Variants in RAC3 observed in about 807,000 individuals in gnomAD.
RAC3 encodes Rac family small GTPase 3.
In RAC3, 9 loss-of-function variants were observed where a neutral mutation model predicts 19.0. That is an observed-to-expected ratio of 0.47 (90% CI 0.29 to 0.83). RAC3 has a LOEUF of 0.83. Ranked by LOEUF, RAC3 falls within the 40% of genes least tolerant of loss-of-function variation. RAC3 has a pLI of 0.09. For synonymous variants in RAC3, 146 were observed against 111.8 expected (o/e 1.31, Z -1.93); for missense variants, 203 against 260.8 (o/e 0.78, Z 1.53).
At position 82,033,103 on chromosome 17, in the gene RAC3, T is replaced by C; in HGVS notation, c.288+94T>C. On this transcript the variant is annotated intron_variant, in intron 4 of 5. Transcript: ENST00000306897. The surrounding 1 kb of genome is among the most constrained non-coding windows in gnomAD (Gnocchi z 6.2). ...TTAGAGGCAATTGCGATACGGGTTC[T>C]GCCTGGGGTAGGCACACGGAGTGGG... is the stretch of plus-strand genomic sequence containing the variant. 2 of 1,361,902 alleles carry C rather than the reference T, an allele frequency of 1.5e-6. No individual in the cohort carries two copies. Among genetic ancestry groups the C allele is most frequent in the Non-Finnish European group, 2.1e-6 (2 of 965,990 alleles). The allele number at this position is 1,361,902 out of a possible 1,614,324, so 84.4% of individuals were successfully genotyped here.
Position 82,032,439 on chromosome 17 carries a change from G to A in RAC3, c.88G>A (p.Gly30Arg), listed in dbSNP as rs753992755. 5 of 1,612,916 alleles carry A rather than the reference G, an allele frequency of 3.1e-6. No homozygotes were observed. The highest frequency in any genetic ancestry group is 4.2e-6 in the Non-Finnish European group (5 of 1,179,970). Residue 30 changes from glycine to arginine, a missense_variant, in exon 2 of 6, where the codon GGA becomes AGA. Coordinates refer to ENST00000306897, the MANE Select transcript of RAC3 (RefSeq NM_005052.3). ...LISYTTNAFP[G>R]EYIPTVFDNY... ...CAGCTACACGACCAACGCCTTCCCC[G>A]GAGAGTACATCCCCACCGTGTGAGT...
Position 82,032,699 on chromosome 17 carries a change from A to C in RAC3, c.108-12A>C, listed in dbSNP as rs1598458924. 10 of 1,611,340 alleles carry C rather than the reference A, an allele frequency of 6.2e-6. No homozygotes were observed. The East Asian group carries it at 2.2e-4, about 36-fold the overall frequency. On this transcript the variant is annotated splice_polypyrimidine_tract_variant and intron_variant, in intron 2 of 5. Transcript: ENST00000306897. The stretch of plus-strand genomic sequence containing the variant: ...CCTCCCAAGCCCTGACCCTGCCCTC[A>C]CTGCTCTGCAGTTTTGACAACTACT...
In RAC3 at chr17:82,032,422, C is replaced by T; in HGVS notation, c.71C>T (p.Thr24Met). The T allele has an allele frequency of 6.2e-7, 1 of 1,613,020 alleles. No individual in the cohort carries two copies. Among genetic ancestry groups the T allele is most frequent in the Non-Finnish European group, 8.5e-7 (1 of 1,179,964 alleles). ...VGKTCLLISY[T>M]TNAFPGEYIP... is the part of the protein sequence containing the mutation. ...AAGACATGCTTGCTGATCAGCTACA[C>T]GACCAACGCCTTCCCCGGAGAGTAC... The change falls in exon 2 of 6, where the codon ACG becomes ATG. Residue 24 changes from threonine to methionine, a missense_variant. Physicochemically the swap from Thr to Met is moderately conservative, Grantham distance 81 (BLOSUM62 -1). Around this residue, in one of 3 missense-constraint regions of RAC3, gnomAD observed 49 missense variants for 67.4 expected, o/e 0.73. Coordinates refer to ENST00000306897, the MANE Select transcript of RAC3 (RefSeq NM_005052.3).
In RAC3 at chr17:82,031,846, C is replaced by T. The variant is rs1303304425; in HGVS notation, c.35+50C>T. On this transcript the variant is annotated intron_variant, in intron 1 of 5. Coordinates refer to ENST00000306897, the MANE Select transcript of RAC3 (RefSeq NM_005052.3). ...TTGGCTGGGCTGGGCGGGAGGGGGGCTCGGGGGCTCGGGGCGCAGCCGGGG... is the reference window on the plus strand; with the variant it reads ...TTGGCTGGGCTGGGCGGGAGGGGGGTTCGGGGGCTCGGGGCGCAGCCGGGG... 27 of 511,652 alleles carry T rather than the reference C, an allele frequency of 5.3e-5. No individual in the cohort carries two copies. In the South Asian group the frequency reaches 2.0e-3, roughly 38 times the overall value. The allele number at this position is 511,652 out of a possible 1,614,324, so 31.7% of individuals were successfully genotyped here.
At position 82,032,967 on chromosome 17, in the gene RAC3, C is replaced by T. The variant is rs1315341263; in HGVS notation, c.246C>T (p.Phe82=). ...YPQTDVFLIC[F]SLVSPASFEN... is the part of the protein sequence containing the mutation. ...CCAAGGACGTCTTTCTGATCTGCTT[C>T]TCTCTGGTGAGCCCGGCCTCCTTCG... Residue 82 remains phenylalanine (F), a synonymous_variant, in exon 4 of 6, where the codon TTC becomes TTT. Transcript: ENST00000306897. The T allele has an allele frequency of 1.1e-5, 17 of 1,613,634 alleles. No individual in the cohort carries two copies. The highest frequency in any genetic ancestry group is 1.4e-5 in the Non-Finnish European group (16 of 1,180,008).
rs929625289 is a variant in RAC3 at position 82,034,153 on chromosome 17, C to G, written c.*324C>G. The G allele has an allele frequency of 4.0e-6, 1 of 251,486 alleles. No homozygotes were observed. Among genetic ancestry groups the G allele is most frequent in the African/African-American group, 2.2e-5 (1 of 44,548 alleles). The allele number at this position is 251,486 out of a possible 1,614,324, so 15.6% of individuals were successfully genotyped here. Reference sequence around the variant, plus strand: ...GGGGGGAGTTCTGTTCCTTGTGCCCCGAGGTGGGGCAGCCCCTTCTCATTT... The same window carrying G: ...GGGGGGAGTTCTGTTCCTTGTGCCCGGAGGTGGGGCAGCCCCTTCTCATTT... On this transcript the variant is annotated 3_prime_UTR_variant, in exon 6 of 6. Coordinates refer to ENST00000306897, the MANE Select transcript of RAC3 (RefSeq NM_005052.3).
chr17:82,033,702 C>T lies in RAC3; in HGVS notation c.452C>T (p.Ser151Phe), dbSNP rs371054088. 1.9e-6 allele frequency: 3 copies of T among 1,612,324 alleles called. No homozygotes were observed. Among genetic ancestry groups the T allele is most frequent in the African/African-American group, 2.7e-5 (2 of 74,880 alleles). The change falls in exon 6 of 6, where the codon TCT becomes TTT. Residue 151 changes from serine to phenylalanine, a missense_variant. Physicochemically the swap from Ser to Phe is radical, Grantham distance 155. Around this residue, in one of 3 missense-constraint regions of RAC3, gnomAD observed 142 missense variants for 158.2 expected, o/e 0.90. Coordinates refer to ENST00000306897, the MANE Select transcript of RAC3 (RefSeq NM_005052.3). This position sits in a 1 kb window ranked among gnomAD's most constrained non-coding sequence, Gnocchi z 6.2. ...QGLAMAREIG[S>F]VKYLECSALT... ...CTCCCCTCCTCACTGCCGCTAGGCT[C>T]TGTGAAATACCTGGAGTGCTCAGCC...
In RAC3 at chr17:82,034,148, T is replaced by C. The variant is rs1342239079; in HGVS notation, c.*319T>C. 1 of 253,994 alleles carries C rather than the reference T, an allele frequency of 3.9e-6. No individual in the cohort carries two copies. The highest frequency in any genetic ancestry group is 2.2e-5 in the African/African-American group (1 of 44,650). 15.7% of individuals were successfully genotyped at this position (253,994 alleles called of 1,614,324 possible). ...GGGTGGGGGGGAGTTCTGTTCCTTG[T>C]GCCCCGAGGTGGGGCAGCCCCTTCT... On this transcript the variant is annotated 3_prime_UTR_variant, in exon 6 of 6. Transcript: ENST00000306897.
In RAC3 at chr17:82,031,773, C is replaced by A; in HGVS notation, c.12C>A (p.Ile4=). Residue 4 remains isoleucine, a synonymous_variant, in exon 1 of 6, where the codon ATC becomes ATA. Transcript: ENST00000306897. The part of the protein sequence containing the change: MQA[I]KCVVVGDGAV... ...CCCGGCCCGCGCCCATGCAGGCCAT[C>A]AAGTGCGTGGTGGTCGGCGACGGGT... 1.0e-6 allele frequency: 1 copy of A among 995,546 alleles called. No homozygotes were observed. The highest frequency in any genetic ancestry group is 4.3e-5 in the South Asian group (1 of 23,290). 61.7% of individuals were successfully genotyped at this position (995,546 alleles called of 1,614,324 possible).
At chr17:82,032,281 C>T (rs2043438000) in intron 1 of RAC3, 106 bp from the exon 2 acceptor site, 3 of 1,097,492 alleles carry the variant, frequency 2.7e-6, no homozygotes, top group East Asian at 2.4e-5. Context: ...CCCTCTCGAC[C>T]CCAGACGCCC....
At position 82,034,153 on chromosome 17, in the gene RAC3, C is replaced by T. The variant is rs929625289; in HGVS notation, c.*324C>T. ...GGGGGGAGTTCTGTTCCTTGTGCCC[C>T]GAGGTGGGGCAGCCCCTTCTCATTT... On this transcript the variant is annotated 3_prime_UTR_variant, in exon 6 of 6. Transcript: ENST00000306897. 29 of 251,486 alleles carry T rather than the reference C, an allele frequency of 1.2e-4. No homozygotes were observed. Among genetic ancestry groups the T allele is most frequent in the African/African-American group, 1.8e-4 (8 of 44,548 alleles). 15.6% of individuals were successfully genotyped at this position (251,486 alleles called of 1,614,324 possible).
In RAC3 at chr17:82,033,911, C is replaced by T. The variant is rs2043458099; in HGVS notation, c.*82C>T. 2 of 1,481,406 alleles carry T rather than the reference C, an allele frequency of 1.4e-6. No homozygotes were observed. Among genetic ancestry groups the T allele is most frequent in the East Asian group, 2.5e-5 (1 of 39,678 alleles). The allele number at this position is 1,481,406 out of a possible 1,614,324, so 91.8% of individuals were successfully genotyped here. On this transcript the variant is annotated 3_prime_UTR_variant, in exon 6 of 6. Coordinates refer to ENST00000306897, the MANE Select transcript of RAC3 (RefSeq NM_005052.3). This position sits in a 1 kb window ranked among gnomAD's most constrained non-coding sequence, Gnocchi z 6.2. The stretch of plus-strand genomic sequence containing the variant: ...TGTTGTGTTGAGACGTGTGGTGTCC[C>T]TGAGTCGGCTGTGGGGAGCGGTGGG...
chr17:82,033,799 G>A lies in RAC3; in HGVS notation c.549G>A (p.Lys183=). ...IRAVLCPPPV[K]KPGKKCTVF is the part of the protein sequence containing the mutation. ...CGGTGCTCTGCCCGCCCCCAGTGAA[G>A]AAGCCGGGGAAGAAGTGCACCGTCT... Residue 183 remains lysine, a synonymous_variant, in exon 6 of 6, where the codon AAG becomes AAA. Transcript: ENST00000306897. This position sits in a 1 kb window ranked among gnomAD's most constrained non-coding sequence, Gnocchi z 6.2. 1.9e-6 allele frequency: 3 copies of A among 1,609,176 alleles called. No homozygotes were observed. The highest frequency in any genetic ancestry group is 2.5e-6 in the Non-Finnish European group (3 of 1,178,222).
At position 82,033,355 on chromosome 17, in the gene RAC3, GA is replaced by G. The variant is rs1182610058; in HGVS notation, c.289-82del. 2.8e-6 allele frequency: 4 copies of G among 1,409,150 alleles called. No individual in the cohort carries two copies. The highest frequency in any genetic ancestry group is 3.8e-6 in the Non-Finnish European group (4 of 1,060,390). The allele number at this position is 1,409,150 out of a possible 1,614,324, so 87.3% of individuals were successfully genotyped here. ...CCAAGTGTAGCTCTGGAACAGTGGG[GA>G]AAGTCCCTGAGGGCCGTGACTTGCT... On this transcript the variant is annotated intron_variant, in intron 4 of 5. Coordinates refer to ENST00000306897, the MANE Select transcript of RAC3 (RefSeq NM_005052.3). This position sits in a 1 kb window ranked among gnomAD's most constrained non-coding sequence, Gnocchi z 6.2.
At position 82,032,242 on chromosome 17, in the gene RAC3, G is replaced by C. The variant is rs1661387768; in HGVS notation, c.36-145G>C. The C allele has an allele frequency of 3.2e-5, 23 of 717,294 alleles. No homozygotes were observed. In the South Asian group the frequency reaches 3.7e-4, roughly 12 times the overall value. 44.4% of individuals were successfully genotyped at this position (717,294 alleles called of 1,614,324 possible). On this transcript the variant is annotated intron_variant, in intron 1 of 5. Coordinates refer to ENST00000306897, the MANE Select transcript of RAC3 (RefSeq NM_005052.3). ...CTGCCCAGGTCGTCCTCCAGCCTTA[G>C]GTCGCCACGGATCTGGTGGGCTGGG...
At position 82,031,794 on chromosome 17, in the gene RAC3, C is replaced by T. The variant is rs1296239413; in HGVS notation, c.33C>T (p.Asp11=). The T allele has an allele frequency of 1.2e-5, 10 of 862,318 alleles. No homozygotes were observed. The highest frequency in any genetic ancestry group is 1.4e-5 in the Non-Finnish European group (10 of 722,994). The allele number at this position is 862,318 out of a possible 1,614,324, so 53.4% of individuals were successfully genotyped here. The part of the protein sequence containing the change: MQAIKCVVVG[D]GAVGKTCLLI... ...CCATCAAGTGCGTGGTGGTCGGCGA[C>T]GGGTGAGTGCGCGGCCCGGAGGCCG... The change falls in exon 1 of 6, where the codon GAC becomes GAT. Residue 11 remains aspartate, a splice_region_variant and synonymous_variant. Transcript: ENST00000306897.
rs1002197189 is a variant in RAC3, at chr17:82,033,060, G to A, written c.288+51G>A. On this transcript the variant is annotated intron_variant, in intron 4 of 5. Transcript: ENST00000306897. The surrounding 1 kb of genome is among the most constrained non-coding windows in gnomAD (Gnocchi z 6.2). Reference sequence around the variant, plus strand: ...GGGGAGAGGGCTTGCCCCAGTACCTGCCCCGACAAGTTGTCCTTTAGAGGC... The same window carrying A: ...GGGGAGAGGGCTTGCCCCAGTACCTACCCCGACAAGTTGTCCTTTAGAGGC... The A allele has an allele frequency of 6.4e-7, 1 of 1,551,200 alleles. No homozygotes were observed. Among genetic ancestry groups the A allele is most frequent in the East Asian group, 2.2e-5 (1 of 44,520 alleles).
chr17:82,033,085 C>A lies in RAC3; in HGVS notation c.288+76C>A. 1 of 1,389,934 alleles carries A rather than the reference C, an allele frequency of 7.2e-7. No homozygotes were observed. Among genetic ancestry groups the A allele is most frequent in the Non-Finnish European group, 9.7e-7 (1 of 1,031,112 alleles). 86.1% of individuals were successfully genotyped at this position (1,389,934 alleles called of 1,614,324 possible). A position where few individuals can be genotyped will look rare whatever the true frequency, so the allele number is the denominator to read the frequency against. ...GCCCCGACAAGTTGTCCTTTAGAGGCAATTGCGATACGGGTTCTGCCTGGG... is the reference window on the plus strand; with the variant it reads ...GCCCCGACAAGTTGTCCTTTAGAGGAAATTGCGATACGGGTTCTGCCTGGG... On this transcript the variant is annotated intron_variant, in intron 4 of 5. Transcript: ENST00000306897. The surrounding 1 kb of genome is among the most constrained non-coding windows in gnomAD (Gnocchi z 6.2).
rs571018395 is a variant in RAC3, at chr17:82,034,035, C to T, written c.*206C>T. 36 of 475,020 alleles carry T rather than the reference C, an allele frequency of 7.6e-5. No homozygotes were observed. The highest frequency in any genetic ancestry group is 3.8e-4 in the East Asian group (7 of 18,362). 29.4% of individuals were successfully genotyped at this position (475,020 alleles called of 1,614,324 possible). A position where few individuals can be genotyped will look rare whatever the true frequency, so the allele number is the denominator to read the frequency against. On this transcript the variant is annotated 3_prime_UTR_variant, in exon 6 of 6. Coordinates refer to ENST00000306897, the MANE Select transcript of RAC3 (RefSeq NM_005052.3). ...TGTGGCTCCAGCCTTCCCTGGCCCC[C>T]GCCGGAGGCCGGGAGGGAGCAGGGT...
Sources: allele counts gnomAD v4.1 joint callset, GRCh38; gene constraint gnomAD v4.1.1; regional missense constraint gnomAD v4.1.1; non-coding constraint Gnocchi (gnomAD v3.1); transcripts MANE v1.5; gene names NCBI Gene and HGNC (gene_info 2026-07-23, HGNC 2026-07-21).